Variants in SPPL2B observed in about 807,000 individuals in gnomAD.
The protein encoded by SPPL2B is signal peptide peptidase-like 2B.
Under a neutral mutation model 59.7 loss-of-function variants are expected in SPPL2B, and 39 were observed. The ratio of observed to expected loss-of-function variants is 0.65; its 90% confidence interval spans 0.51 to 0.85. The LOEUF (loss-of-function observed/expected upper bound fraction) is 0.85. SPPL2B is among the 40% of genes least tolerant of loss of function. The pLI, the probability that SPPL2B is intolerant of heterozygous loss-of-function variation, is 0.00. For synonymous variants in SPPL2B, 419 were observed against 370.8 expected (o/e 1.13, Z -1.49); for missense variants, 865 against 849.0 (o/e 1.02, Z -0.23).
chr19:2,339,628 G>A lies in SPPL2B; in HGVS notation c.600-196G>A, dbSNP rs533064688. ...GGCCACCCCAGCTCAACCCAGGGAC[G>A]CGGGCCCTGCCACCCTCTGCTGTGT... is the stretch of plus-strand genomic sequence containing the variant. On this transcript the variant is annotated intron_variant, in intron 5 of 14. Coordinates refer to ENST00000613503, the MANE Select transcript of SPPL2B (RefSeq NM_152988.3). 2.0e-5 allele frequency: 13 copies of A among 644,282 alleles called. No homozygotes were observed. The African/African-American group carries it at 2.2e-4, about 11-fold the overall frequency. 39.9% of individuals were successfully genotyped at this position (644,282 alleles called of 1,614,324 possible).
At chr19:2,329,703 C>T (rs1200971071) in intron 1 of SPPL2B, among the ~76,000 whole-genome samples, 1 of 152,198 alleles carries the variant, frequency 6.6e-6, no homozygotes, top group African/African-American at 2.4e-5. Context: ...TCTGCTGTGG[C>T]TGCCTTTGTC....
chr19:2,341,213 A>C (rs1467330625), intron 8 of SPPL2B, 199 bp downstream of exon 8: 1 of 689,740 alleles, frequency 1.4e-6, no homozygotes, highest in African/African-American at 1.8e-5. Context: ...TCCGGGTGTC[A>C]TGGGAACCCT....
Position 2,343,146 on chromosome 19 carries a change from G to A in SPPL2B, c.957-65G>A, listed in dbSNP as rs1001780689. The A allele has an allele frequency of 3.8e-6, 5 of 1,333,240 alleles. No homozygotes were observed. In the Admixed American group the frequency reaches 9.9e-5, roughly 26 times the overall value. The allele number at this position is 1,333,240 out of a possible 1,614,324, so 82.6% of individuals were successfully genotyped here. On this transcript the variant is annotated intron_variant, in intron 8 of 14. Coordinates refer to ENST00000613503, the MANE Select transcript of SPPL2B (RefSeq NM_152988.3). ...AGAGCAAGGGCCCTGTGTGGCTCGT[G>A]GGAGGCGGCGTCCTGGGTGGTCAGC...
chr19:2,348,207 C>CT (rs1555756579), intron 13 of SPPL2B, among the ~76,000 whole-genome samples: 1 of 115,764 alleles, frequency 8.6e-6, no homozygotes, highest in South Asian at 3.2e-4. Context: ...CGTTCTCTCT[C>CT]CACACACACA....
At chr19:2,349,093 T>G (rs1162915957) in intron 13 of SPPL2B, among the ~76,000 whole-genome samples, 1 of 14,036 alleles carries the variant, frequency 7.1e-5, no homozygotes, top group Admixed American at 9.5e-4. Flanking sequence ...CACACTCGCG[T>G]TCTCATTCGC....
Position 2,340,891 on chromosome 19 carries a change from C to G in SPPL2B, c.840-7C>G. On this transcript the variant is annotated splice_polypyrimidine_tract_variant and splice_region_variant and intron_variant, in intron 7 of 14. Coordinates refer to ENST00000613503, the MANE Select transcript of SPPL2B (RefSeq NM_152988.3). ...GGGCTTGGCTCTGACTGCCCCGTGC[C>G]CCCCAGGATCCCCAACAACAGCCTG... The G allele has an allele frequency of 6.4e-7, 1 of 1,568,370 alleles. No homozygotes were observed. Among genetic ancestry groups the G allele is most frequent in the Non-Finnish European group, 8.6e-7 (1 of 1,157,800 alleles).
chr19:2,338,451 G>T, intron 3 of SPPL2B: 1 of 287,068 alleles, frequency 3.5e-6, no homozygotes. Flanking sequence ...GCTGTGACAA[G>T]TATCACTCAG....
At chr19:2,335,225 C>G (rs1166683402) in intron 2 of SPPL2B, among the ~76,000 whole-genome samples, 1 of 130,784 alleles carries the variant, frequency 7.6e-6, no homozygotes, top group African/African-American at 3.0e-5. Flanking sequence ...TCCACTGCAT[C>G]CTTCAGGCCC....
At chr19:2,335,801 C>T (rs1454062960) in intron 2 of SPPL2B, among the ~76,000 whole-genome samples, 1 of 152,246 alleles carries the variant, frequency 6.6e-6, no homozygotes, top group Non-Finnish European at 1.5e-5. Flanking sequence ...CTCCTGGAGC[C>T]CTCGAGGTGT....
Position 2,328,726 on chromosome 19 carries a change from C to T in SPPL2B, c.17C>T (p.Ala6Val), listed in dbSNP as rs1229136606. 16 of 1,454,794 alleles carry T rather than the reference C, an allele frequency of 1.1e-5. No homozygotes were observed. Among genetic ancestry groups the T allele is most frequent in the African/African-American group, 1.5e-5 (1 of 67,156 alleles). 90.1% of individuals were successfully genotyped at this position (1,454,794 alleles called of 1,614,324 possible). ...CCGGCCGACATGGCGGCAGCGGTGG[C>T]GGCTGCGCTGGCGCGGCTTTTGGCG... MAAAV[A>V]AALARLLAAF... is the part of the protein sequence containing the mutation. The change falls in exon 1 of 15, where the codon GCG (alanine) becomes GTG (valine). Residue 6 changes from alanine (A) to valine (V), a missense_variant. Transcript: ENST00000613503.
At chr19:2,341,194 TG>T (rs55856585) in intron 8 of SPPL2B, 180 bp downstream of exon 8, 77,188 of 697,580 alleles carry the variant, frequency 0.11, 5,113 homozygotes, top group Non-Finnish European at 0.14. Flanking sequence ...GCGTTTCACC[TG>T]GGGTTTGTCC....
chr19:2,350,296 C>T (rs57401454), intron 13 of SPPL2B, among the ~76,000 whole-genome samples: 15,941 of 142,336 alleles, frequency 0.11, 1,233 homozygotes, highest in African/African-American at 0.15. Context: ...CACACTCACG[C>T]GCTGTCATTC....
At chr19:2,345,375 C>A in intron 13 of SPPL2B, 45 bp downstream of exon 13, 1 of 1,541,120 alleles carries the variant, frequency 6.5e-7, no homozygotes, top group Non-Finnish European at 9.0e-7. Context: ...TGGCTCCAGC[C>A]CCACCCCGAC....
At chr19:2,350,445 C>A (rs370304865) in intron 13 of SPPL2B, among the ~76,000 whole-genome samples, 1 of 151,352 alleles carries the variant, frequency 6.6e-6, no homozygotes. Flanking sequence ...CTCTCATTCG[C>A]TTGATTCCGT....
rs1485360986 is a variant in SPPL2B at position 2,352,919 on chromosome 19, C to T, written c.1516-27C>T. On this transcript the variant is annotated intron_variant, in intron 14 of 14. Transcript: ENST00000613503. ...TCCTCCTCTGGGTCCCTGTCTCCGC[C>T]TCACCTCTGCCTCCCTTCTCCTGTA... is the stretch of plus-strand genomic sequence containing the variant. 3.7e-6 allele frequency: 6 copies of T among 1,611,322 alleles called. No individual in the cohort carries two copies. The African/African-American group carries it at 5.3e-5, about 14-fold the overall frequency.
At position 2,337,630 on chromosome 19, in the gene SPPL2B, G is replaced by T; in HGVS notation, c.369+5G>T. On this transcript the variant is annotated splice_donor_5th_base_variant and intron_variant, in intron 3 of 14. Transcript: ENST00000613503. The stretch of plus-strand genomic sequence containing the variant: ...ATCGTCAGCAGGGAGAGGCTGGTAC[G>T]GCCCTGTGCGTCCCCCGCTGGGCCA... 1.9e-6 allele frequency: 3 copies of T among 1,551,208 alleles called. No individual in the cohort carries two copies. The highest frequency in any genetic ancestry group is 2.3e-5 in the South Asian group (2 of 85,128).
At chr19:2,351,158 C>G (rs1000265661) in intron 13 of SPPL2B, among the ~76,000 whole-genome samples, 1 of 152,228 alleles carries the variant, frequency 6.6e-6, no homozygotes, top group Non-Finnish European at 1.5e-5. Flanking sequence ...TGCCCGGACC[C>G]TGCCCCTCCC....
chr19:2,341,586 C>T, intron 8 of SPPL2B: 1 of 456,324 alleles, frequency 2.2e-6, no homozygotes, highest in East Asian at 7.0e-5. Context: ...CCCGTCCCCG[C>T]CCGGTCCCCA....
rs1293949483 is a variant in SPPL2B, at chr19:2,334,631, G to A, written c.96G>A (p.Val32=). 7 of 1,612,892 alleles carry A rather than the reference G, an allele frequency of 4.3e-6. No homozygotes were observed. Among genetic ancestry groups the A allele is most frequent in the Non-Finnish European group, 5.9e-6 (7 of 1,179,506 alleles). The change falls in exon 2 of 15, where the codon GTG becomes GTA. Residue 32 remains valine, a synonymous_variant. Transcript: ENST00000613503. ...CCTGTGAGTACGGCATGGTGCACGT[G>A]GTCTCCCAGGCCGGGGGCCCCGAAG... ...QVACEYGMVH[V]VSQAGGPEGK...
Sources: gnomAD v4.1 joint callset for allele counts (sites outside exome capture counted in the v4.1 genomes callset) on GRCh38, gnomAD v4.1.1 for gene constraint, MANE v1.5 for transcripts, NCBI Gene and HGNC (gene_info 2026-07-23, HGNC 2026-07-21) for gene names.